Variants in CADM1 observed in about 807,000 individuals in gnomAD.
CADM1 encodes cell adhesion molecule 1.
Under a neutral mutation model 53.1 loss-of-function variants are expected in CADM1, and 15 were observed. The observed-to-expected ratio is 0.28, with a 90% CI of 0.19 to 0.44. The LOEUF is 0.44. Ranked by LOEUF, CADM1 falls within the 20% of genes least tolerant of loss-of-function variation. The pLI is 1.00. For missense variants in CADM1, 434 were observed against 611.3 expected, an observed-to-expected ratio of 0.71 and a Z score of 3.06; for synonymous variants, 281 against 243.0, an observed-to-expected ratio of 1.16 and a Z score of -1.45.
chr11:115,356,440 G>A (rs957942518), intron 1 of CADM1, among the ~76,000 whole-genome samples: 8 of 151,934 alleles, frequency 5.3e-5, no homozygotes, highest in Admixed American at 2.0e-4. Context: ...TGTCACTTAC[G>A]AACATTTTTC....
At chr11:115,474,493 A>G (rs1949085350) in intron 1 of CADM1, among the ~76,000 whole-genome samples, 3 of 151,762 alleles carry the variant, frequency 2.0e-5, no homozygotes, top group African/African-American at 7.3e-5. Flanking sequence ...TGTGGCACAT[A>G]TACACCATGG....
At chr11:115,370,529 T>C (rs1224337615) in intron 1 of CADM1, among the ~76,000 whole-genome samples, 1 of 152,146 alleles carries the variant, frequency 6.6e-6, no homozygotes, top group Admixed American at 6.5e-5. Flanking sequence ...CACATGTTCA[T>C]GTCCAAAGAA....
At chr11:115,503,379 GCGCGGAGGCCCGCAGGGTGCC>G (rs1326652686) in intron 1 of CADM1, among the ~76,000 whole-genome samples, 1 of 152,188 alleles carries the variant, frequency 6.6e-6, no homozygotes, top group Non-Finnish European at 1.5e-5. Context: ...CGCAGGGAGC[GCGCGGAGGCCCGCAGGGTGCC>G]CGCCTGGCCG....
intron 1 of CADM1, among the ~76,000 whole-genome samples, chr11:115,417,938 TTATTA>T (rs1483509036): frequency 6.6e-6 from 1 of 152,180 alleles, no homozygotes; most frequent in African/African-American, 2.4e-5. Flanking sequence ...GCATTTATCC[TTATTA>T]TATTATAGTG....
At chr11:115,420,656 A>G (rs1358767352) in intron 1 of CADM1, among the ~76,000 whole-genome samples, 7 of 152,204 alleles carry the variant, frequency 4.6e-5, no homozygotes. Flanking sequence ...AGAGGCCCAG[A>G]GGACCTGACT....
rs190157361 is a variant in CADM1, at chr11:115,476,766, A to G, written c.124+27505T>C. ...ATAACTTAGAAATCAACAACCGTAT[A>G]TATCTCATAATGAGGTACTTAACTT... On this transcript the variant is annotated intron_variant, in intron 1 of 11. Coordinates refer to ENST00000331581, the MANE Select transcript of CADM1 (RefSeq NM_001301043.2). Among the ~76,000 whole-genome samples, 10 of 152,324 alleles carry G rather than the reference A, an allele frequency of 6.6e-5. No individual in the cohort carries two copies. In the East Asian group the frequency reaches 1.5e-3, roughly 23 times the overall value.
At chr11:115,429,855 G>C (rs1352908081) in intron 1 of CADM1, among the ~76,000 whole-genome samples, 1 of 152,154 alleles carries the variant, frequency 6.6e-6, no homozygotes, top group Non-Finnish European at 1.5e-5. Flanking sequence ...ACTCAGTGTG[G>C]TTTGTTCCCT....
At chr11:115,427,887 G>A (rs1947931870) in intron 1 of CADM1, among the ~76,000 whole-genome samples, 1 of 151,284 alleles carries the variant, frequency 6.6e-6, no homozygotes, top group African/African-American at 2.4e-5. Context: ...CACGCCTGCA[G>A]TCCCAGCTGC....
chr11:115,236,103 T>A (rs1383293475), intron 3 of CADM1, among the ~76,000 whole-genome samples: 1 of 152,210 alleles, frequency 6.6e-6, no homozygotes, highest in Admixed American at 6.5e-5. Flanking sequence ...AAGTTTTTAC[T>A]GAATGTATCA....
intron 1 of CADM1, among the ~76,000 whole-genome samples, chr11:115,264,849 C>T (rs1315216139): frequency 6.6e-6 from 1 of 152,176 alleles, no homozygotes; most frequent in Non-Finnish European, 1.5e-5. Context: ...TACTATCCTT[C>T]TTTCCACACC....
At chr11:115,355,707 AACACACACACACACACAC>A (rs71066418) in intron 1 of CADM1, among the ~76,000 whole-genome samples, 1 of 150,828 alleles carries the variant, frequency 6.6e-6, no homozygotes, top group African/African-American at 2.4e-5. Flanking sequence ...TTAAATTACT[AACACACACACACACACAC>A]ACACACACAC....
chr11:115,234,493 G>C (rs1941940649), intron 3 of CADM1, among the ~76,000 whole-genome samples: 1 of 152,184 alleles, frequency 6.6e-6, no homozygotes, highest in Non-Finnish European at 1.5e-5. Flanking sequence ...TAACTCTTCA[G>C]AGTGAGTCCT....
chr11:115,179,089 G>C, intron 10 of CADM1: 1 of 383,210 alleles, frequency 2.6e-6, no homozygotes, highest in Non-Finnish European at 5.0e-6. Context: ...CACTCTGTCT[G>C]TATCCAGTTG....
At chr11:115,359,842 C>A (rs926655090) in intron 1 of CADM1, among the ~76,000 whole-genome samples, 1 of 152,090 alleles carries the variant, frequency 6.6e-6, no homozygotes, top group African/African-American at 2.4e-5. Flanking sequence ...AGTTTGAGAC[C>A]TACGAAAATA....
chr11:115,355,652 G>A (rs1420536974), intron 1 of CADM1, among the ~76,000 whole-genome samples: 3 of 151,794 alleles, frequency 2.0e-5, no homozygotes, highest in African/African-American at 7.3e-5. Flanking sequence ...TCAAGTTATA[G>A]GCAAACTACC....
intron 1 of CADM1, among the ~76,000 whole-genome samples, chr11:115,474,290 C>CAAAA (rs60168853): frequency 9.9e-5 from 2 of 20,208 alleles, no homozygotes; most frequent in African/African-American, 1.8e-4. Context: ...GACTCCATCT[C>CAAAA]AAAAAAAAAA....
intron 1 of CADM1, among the ~76,000 whole-genome samples, chr11:115,381,742 C>T (rs1946584648): frequency 6.6e-6 from 1 of 152,200 alleles, no homozygotes; most frequent in South Asian, 2.1e-4. Context: ...CAAATAGTGA[C>T]TACATGTGAG....
At chr11:115,496,176 C>T (rs1206077218) in intron 1 of CADM1, among the ~76,000 whole-genome samples, 1 of 152,068 alleles carries the variant, frequency 6.6e-6, no homozygotes, top group Admixed American at 6.6e-5. Context: ...TTTGGCTTAG[C>T]ATCAAGAAAC....
At chr11:115,307,393 A>G (rs918388942) in intron 1 of CADM1, among the ~76,000 whole-genome samples, 2 of 151,888 alleles carry the variant, frequency 1.3e-5, no homozygotes, top group African/African-American at 4.8e-5. Flanking sequence ...TCTCAGCAAG[A>G]ACACCAAAAA....
Sources: gnomAD v4.1 joint callset for allele counts (sites outside exome capture counted in the v4.1 genomes callset) on GRCh38, gnomAD v4.1.1 for gene constraint, MANE v1.5 for transcripts, NCBI Gene and HGNC (gene_info 2026-07-23, HGNC 2026-07-21) for gene names.